The following GRK3 variants were observed in gnomAD, a reference collection of about 807,000 sequenced individuals.
GRK3 encodes the protein G protein-coupled receptor kinase 3.
Under a neutral mutation model 95.7 loss-of-function variants are expected in GRK3, and 54 were observed. The ratio of observed to expected loss-of-function variants is 0.56; its 90% confidence interval spans 0.45 to 0.71. GRK3 has a LOEUF of 0.71. Ranked by LOEUF, GRK3 falls within the 30% of genes least tolerant of loss-of-function variation. GRK3 has a pLI of 0.00. For missense variants in GRK3, 649 were observed against 851.2 expected, an observed-to-expected ratio of 0.76 and a Z score of 2.96; for synonymous variants, 281 against 290.8, an observed-to-expected ratio of 0.97 and a Z score of 0.34.
At chr22:25,624,488 C>A (rs570816680) in intron 2 of GRK3, among the ~76,000 whole-genome samples, 1 of 152,022 alleles carries the variant, frequency 6.6e-6, no homozygotes, top group Admixed American at 6.6e-5. Context: ...GACGTGAACC[C>A]GGGAGGTGGA....
chr22:25,610,458 C>A (rs549399853), intron 2 of GRK3, among the ~76,000 whole-genome samples: 1 of 152,160 alleles, frequency 6.6e-6, no homozygotes. Flanking sequence ...AAGAACGAGA[C>A]TCTGTCTCAA....
At chr22:25,602,574 G>A (rs185870285) in intron 1 of GRK3, among the ~76,000 whole-genome samples, 35 of 152,308 alleles carry the variant, frequency 2.3e-4, no homozygotes, top group Admixed American at 7.2e-4. Context: ...GTCAACAGAT[G>A]GCTGGGTAAA....
chr22:25,625,140 C>T (rs766002491), intron 2 of GRK3, among the ~76,000 whole-genome samples: 15 of 151,952 alleles, frequency 9.9e-5, no homozygotes, highest in Non-Finnish European at 1.9e-4. Flanking sequence ...GGCGGCAAGC[C>T]ACCCAGGCAC....
chr22:25,585,879 G>T (rs1214318591), intron 1 of GRK3, among the ~76,000 whole-genome samples: 1 of 152,274 alleles, frequency 6.6e-6, no homozygotes, highest in Non-Finnish European at 1.5e-5. Context: ...GGTAGGGCAT[G>T]ACATTTTCTA....
At chr22:25,652,531 G>A (rs560625035) in intron 3 of GRK3, among the ~76,000 whole-genome samples, 6 of 152,296 alleles carry the variant, frequency 3.9e-5, no homozygotes, top group Admixed American at 3.3e-4. Context: ...AGCACAAAAT[G>A]CAGGGGAGGT....
intron 2 of GRK3, among the ~76,000 whole-genome samples, chr22:25,641,374 C>A (rs2084741474): frequency 6.6e-6 from 1 of 152,128 alleles, no homozygotes; most frequent in Non-Finnish European, 1.5e-5. Context: ...TTTGCTCTTT[C>A]TTCTACCTTT....
intron 2 of GRK3, among the ~76,000 whole-genome samples, chr22:25,631,894 CG>C (rs2146368762): frequency 6.6e-6 from 1 of 152,252 alleles, no homozygotes; most frequent in South Asian, 2.1e-4. Context: ...GCACTTTGCA[CG>C]TATGAGTAGT....
intron 1 of GRK3, among the ~76,000 whole-genome samples, chr22:25,599,254 TA>T (rs1326364908): frequency 6.6e-6 from 1 of 152,158 alleles, no homozygotes; most frequent in African/African-American, 2.4e-5. Flanking sequence ...AAGACACCAC[TA>T]AGCAAGTGCA....
At chr22:25,699,763 A>G (rs1275650187) in intron 13 of GRK3, among the ~76,000 whole-genome samples, 2 of 149,866 alleles carry the variant, frequency 1.3e-5, no homozygotes, top group African/African-American at 2.5e-5. Flanking sequence ...CAGTGGTGCA[A>G]TCTCGGCTCA....
chr22:25,711,341 T>C (rs190403747), intron 17 of GRK3, among the ~76,000 whole-genome samples, 178 bp downstream of exon 17: 1 of 152,358 alleles, frequency 6.6e-6, no homozygotes, highest in East Asian at 1.9e-4. Flanking sequence ...CTTTGAAAGC[T>C]TTCTTCAGAC....
chr22:25,698,417 G>A (rs2085228532), intron 13 of GRK3, among the ~76,000 whole-genome samples: 3 of 152,190 alleles, frequency 2.0e-5, no homozygotes, highest in Non-Finnish European at 2.9e-5. Context: ...TGACAGTAGC[G>A]ATGTGCTGCG....
chr22:25,679,197 A>G (rs949018190), intron 9 of GRK3, among the ~76,000 whole-genome samples: 7 of 152,234 alleles, frequency 4.6e-5, no homozygotes, highest in African/African-American at 1.4e-4. Flanking sequence ...ATAGCCAGAA[A>G]AATCACTGGA....
intron 9 of GRK3, among the ~76,000 whole-genome samples, chr22:25,680,797 CAG>C (rs1425827675): frequency 6.6e-6 from 1 of 152,132 alleles, no homozygotes; most frequent in Non-Finnish European, 1.5e-5. Flanking sequence ...TTTTGCTAAT[CAG>C]GGGATACTTT....
chr22:25,599,798 A>G lies in GRK3; in HGVS notation c.114-4579A>G, dbSNP rs75805226. Reference sequence around the variant, plus strand: ...TTATTATTACTCATTAGGGAAATGCAAATTAAAACCACAGTGCGATGCTAC... The same window carrying G: ...TTATTATTACTCATTAGGGAAATGCGAATTAAAACCACAGTGCGATGCTAC... On this transcript the variant is annotated intron_variant, in intron 1 of 20. Coordinates refer to ENST00000324198, the MANE Select transcript of GRK3 (RefSeq NM_005160.4). Among the ~76,000 whole-genome samples, 1,106 of 152,240 alleles carry G rather than the reference A, an allele frequency of 7.3e-3. 18 individuals carry two copies. The highest frequency in any genetic ancestry group is 0.024 in the African/African-American group (994 of 41,550).
At position 25,712,273 on chromosome 22, in the gene GRK3, C is replaced by A. The variant is rs143075237; in HGVS notation, c.1491+1110C>A. Among the ~76,000 whole-genome samples the A allele has an allele frequency of 2.4e-4, 36 of 152,296 alleles. No homozygotes were observed. The East Asian group carries it at 6.7e-3, about 29-fold the overall frequency. On this transcript the variant is annotated intron_variant, in intron 17 of 20. Transcript: ENST00000324198. ...AGGATTGCTGACCAACTGAGGGACA[C>A]CCTTCTGTGGTCTGGAGCAGTGGCT...
chr22:25,725,408 A>G lies in GRK3; in HGVS notation c.*2958A>G, dbSNP rs2085465663. 3 of 396,518 alleles carry G rather than the reference A, an allele frequency of 7.6e-6. No homozygotes were observed. The South Asian group carries it at 4.3e-4, about 56-fold the overall frequency. 24.6% of individuals were successfully genotyped at this position (396,518 alleles called of 1,614,324 possible). On this transcript the variant is annotated 3_prime_UTR_variant, in exon 21 of 21. Coordinates refer to ENST00000324198, the MANE Select transcript of GRK3 (RefSeq NM_005160.4). ...ATTACTTTAAGCTGCTATGTAAGAT[A>G]TATATGGAATAAATTAAAAACCTTT...
In GRK3 at chr22:25,712,420, C is replaced by T. The variant is rs190178699; in HGVS notation, c.1491+1257C>T. ...AGTGCTTTGGGGAACAATCCATTTA[C>T]AAAGGTATTTAAAAAATTTACTGCT... On this transcript the variant is annotated intron_variant, in intron 17 of 20. Transcript: ENST00000324198. 2.4e-3 allele frequency among the ~76,000 whole-genome samples: 362 copies of T among 152,324 alleles called. 4 individuals are homozygous for T. In the Middle Eastern group the frequency reaches 0.031, roughly 13 times the overall value.
At position 25,663,654 on chromosome 22, in the gene GRK3, C is replaced by T. The variant is rs2084923607; in HGVS notation, c.391C>T (p.His131Tyr). Residue 131 changes from histidine (H) to tyrosine (Y), a missense_variant, in exon 5 of 21, where the codon CAC (histidine) becomes TAC (tyrosine). His to Tyr is a moderately conservative substitution (Grantham distance 83). Around this residue, in one of 3 missense-constraint regions of GRK3, gnomAD observed 206 missense variants for 231.4 expected, o/e 0.89. Transcript: ENST00000324198. The part of the protein sequence containing the change: ...SHPFSKQAVE[H>Y]VQSHLSKKQV... ...GCCTTTCTCAAAGCAAGCTGTAGAA[C>T]ACGTACAAAGTCATTTATCCAAGAA... 1 of 1,610,536 alleles carries T rather than the reference C, an allele frequency of 6.2e-7. No individual in the cohort carries two copies. Among genetic ancestry groups the T allele is most frequent in the African/African-American group, 1.3e-5 (1 of 74,948 alleles).
intron 2 of GRK3, among the ~76,000 whole-genome samples, chr22:25,635,640 G>C (rs922138559): frequency 2.6e-5 from 4 of 152,192 alleles, no homozygotes; most frequent in Admixed American, 2.0e-4. Context: ...CCATAGGTCA[G>C]ATGTCGTGTT....
Sources: allele counts gnomAD v4.1 joint callset (sites outside exome capture counted in the v4.1 genomes callset), GRCh38; gene constraint gnomAD v4.1.1; regional missense constraint gnomAD v4.1.1; transcripts MANE v1.5; gene names NCBI Gene and HGNC (gene_info 2026-07-23, HGNC 2026-07-21).